The following KCNG3 variants were observed in gnomAD, a reference collection of about 807,000 sequenced individuals.
KCNG3 encodes the protein voltage-gated potassium channel regulatory subunit KCNG3.
A neutral mutation model predicts 29.0 loss-of-function variants in KCNG3; 15 were observed. That is an observed-to-expected ratio of 0.52 (90% confidence interval 0.35 to 0.80). KCNG3 has a LOEUF of 0.80. Among genes scored for constraint, KCNG3 ranks in the 30% least tolerant of loss-of-function variants. KCNG3 has a pLI of 0.01. For missense variants in KCNG3, 512 were observed against 605.7 expected, an observed-to-expected ratio of 0.85 and a Z score of 1.62; for synonymous variants, 322 against 248.9, an observed-to-expected ratio of 1.29 and a Z score of -2.76.
chr2:42,388,870 T>A, the KCNG3 span, among the ~76,000 whole-genome samples: 1 of 150,632 alleles, frequency 6.6e-6, no homozygotes, highest in African/African-American at 2.4e-5. Flanking sequence ...AAGCACATAA[T>A]TTTTTTTTTG....
the KCNG3 span, among the ~76,000 whole-genome samples, chr2:42,388,853 T>A: frequency 6.6e-6 from 1 of 152,134 alleles, no homozygotes; most frequent in African/African-American, 2.4e-5. Flanking sequence ...TCTTGTCTCC[T>A]TCTTCTAAGC....
At chr2:42,394,436 TG>T in the KCNG3 span, among the ~76,000 whole-genome samples, 842 of 152,346 alleles carry the variant, frequency 5.5e-3, 7 homozygotes, top group Non-Finnish European at 8.2e-3. Flanking sequence ...CTAACTTACC[TG>T]TATTACTTAG....
At chr2:42,457,397 G>A (rs1457656147) in intron 1 of KCNG3, among the ~76,000 whole-genome samples, 1 of 151,822 alleles carries the variant, frequency 6.6e-6, no homozygotes, top group Non-Finnish European at 1.5e-5. Flanking sequence ...GGGAGGCTGA[G>A]GTAAAAGGGT....
intron 1 of KCNG3, among the ~76,000 whole-genome samples, chr2:42,454,090 T>C (rs1205517359): frequency 5.4e-5 from 4 of 73,730 alleles, no homozygotes; most frequent in East Asian, 4.9e-4. Context: ...ATGGCTACTA[T>C]ACCAAAAAAA....
At chr2:42,449,541 A>G (rs1672696757) in intron 1 of KCNG3, among the ~76,000 whole-genome samples, 1 of 120,432 alleles carries the variant, frequency 8.3e-6, no homozygotes, top group Admixed American at 1.0e-4. Context: ...TTTTTGAGAC[A>G]GGGTCTCACT....
chr2:42,425,843 T>C, the KCNG3 span, among the ~76,000 whole-genome samples: 1 of 152,208 alleles, frequency 6.6e-6, no homozygotes, highest in Non-Finnish European at 1.5e-5. Context: ...TGTGCTTCAT[T>C]CACCAGTAGT....
At chr2:42,450,547 G>C (rs545509903) in intron 1 of KCNG3, among the ~76,000 whole-genome samples, 20 of 152,264 alleles carry the variant, frequency 1.3e-4, no homozygotes, top group African/African-American at 4.8e-4. Flanking sequence ...AGAAACTAAA[G>C]ATACATCACA....
chr2:42,389,331 G>A, the KCNG3 span, among the ~76,000 whole-genome samples: 1 of 152,028 alleles, frequency 6.6e-6, no homozygotes, highest in Non-Finnish European at 1.5e-5. Flanking sequence ...AAATTCTTTG[G>A]CATGGCTATA....
the KCNG3 span, among the ~76,000 whole-genome samples, chr2:42,426,974 T>C: frequency 6.6e-6 from 1 of 152,170 alleles, no homozygotes; most frequent in African/African-American, 2.4e-5. Context: ...TGTCAGAAAA[T>C]GTAAAGACAT....
intron 1 of KCNG3, among the ~76,000 whole-genome samples, chr2:42,454,652 C>A (rs1432602791): frequency 6.6e-6 from 1 of 151,286 alleles, no homozygotes; most frequent in African/African-American, 2.4e-5. Context: ...GCAGAGGTTG[C>A]AGTGAGCCAA....
At chr2:42,468,954 CAAAAAAAAAAA>C (rs61287684) in intron 1 of KCNG3, among the ~76,000 whole-genome samples, 7 of 57,112 alleles carry the variant, frequency 1.2e-4, no homozygotes, top group South Asian at 8.1e-4. Context: ...ACTCCGTCTC[CAAAAAAAAAAA>C]AAAAAAAAAA....
chr2:42,402,555 C>T, the KCNG3 span, among the ~76,000 whole-genome samples: 2 of 152,150 alleles, frequency 1.3e-5, no homozygotes, highest in Non-Finnish European at 2.9e-5. Flanking sequence ...TTTTTTCACG[C>T]ACAGATGTTT....
chr2:42,429,636 C>A, the KCNG3 span, among the ~76,000 whole-genome samples: 1 of 152,186 alleles, frequency 6.6e-6, no homozygotes, highest in South Asian at 2.1e-4. Flanking sequence ...TCCAACACTT[C>A]CTTCTAAAAG....
intron 1 of KCNG3, 47 bp downstream of exon 1, chr2:42,492,790 A>G: frequency 7.1e-7 from 1 of 1,399,186 alleles, no homozygotes; most frequent in Non-Finnish European, 9.3e-7. Flanking sequence ...CGGGACGGAC[A>G]GACGCGACAG....
At chr2:42,473,236 G>C (rs1673336831) in intron 1 of KCNG3, among the ~76,000 whole-genome samples, 1 of 152,060 alleles carries the variant, frequency 6.6e-6, no homozygotes, top group African/African-American at 2.4e-5. Context: ...TAATTGGGTA[G>C]TGGGTAAACA....
chr2:42,393,748 G>A, the KCNG3 span, among the ~76,000 whole-genome samples: 1 of 152,044 alleles, frequency 6.6e-6, no homozygotes, highest in Non-Finnish European at 1.5e-5. Context: ...AAAGGCAGAT[G>A]GGCCAAAAGA....
chr2:42,424,871 C>T, the KCNG3 span: 1 of 152,180 alleles, frequency 6.6e-6, no homozygotes, highest in Non-Finnish European at 1.5e-5. Flanking sequence ...AGCAGAGACG[C>T]CAGAGGGAAA....
chr2:42,463,887 C>G (rs1673080346), intron 1 of KCNG3: 2 of 300,146 alleles, frequency 6.7e-6, no homozygotes, highest in Non-Finnish European at 6.6e-6. Context: ...ATTCTAATCC[C>G]TTCTCAGATT....
At chr2:42,413,213 C>T in the KCNG3 span, among the ~76,000 whole-genome samples, 2 of 152,122 alleles carry the variant, frequency 1.3e-5, no homozygotes, top group East Asian at 3.8e-4. Flanking sequence ...CTACATTGCC[C>T]AGGCTGGTCT....
Sources: allele counts gnomAD v4.1 joint callset (sites outside exome capture counted in the v4.1 genomes callset), GRCh38; gene constraint gnomAD v4.1.1; transcripts MANE v1.5; gene names NCBI Gene and HGNC (gene_info 2026-07-23, HGNC 2026-07-21).